FAM217A: variants seen among roughly 807,000 people sequenced by gnomAD.
The protein encoded by FAM217A is family with sequence similarity 217 member A, also known as protein FAM217A.
In FAM217A, 13 loss-of-function variants were observed where a neutral mutation model predicts 18.5. The ratio of observed to expected loss-of-function variants is 0.70; its 90% CI spans 0.46 to 1.12. FAM217A has a LOEUF of 1.12. FAM217A is among the 50% of genes most tolerant of loss of function. The pLI, the probability that FAM217A is intolerant of heterozygous loss-of-function variation, is 0.00. For missense variants in FAM217A, 560 were observed against 575.4 expected (o/e 0.97, Z 0.27); for synonymous variants, 161 against 202.8 (o/e 0.79, Z 1.75).
intron 6 of FAM217A, among the ~76,000 whole-genome samples, chr6:4,073,061 A>G (rs917209185): frequency 3.9e-5 from 6 of 152,204 alleles, no homozygotes; most frequent in Non-Finnish European, 8.8e-5. Flanking sequence ...CATTGTCAGA[A>G]CATGGTCAGC....
In FAM217A at chr6:4,068,723, C is replaced by T. The variant is rs746127562; in HGVS notation, c.1500G>A (p.Lys500=). Residue 500 remains lysine (K), a synonymous_variant, in exon 7 of 7, where the codon AAG becomes AAA. Coordinates refer to ENST00000274673, the MANE Select transcript of FAM217A (RefSeq NM_173563.3). Reference sequence around the variant, plus strand: ...ATTTTTGTTCAATGGGTGAGCAGCACTTATCCTTAGCAATAAGGGAAGGCG... The same window carrying T: ...ATTTTTGTTCAATGGGTGAGCAGCATTTATCCTTAGCAATAAGGGAAGGCG... The part of the protein sequence containing the change: ...CLSPSLIAKD[K]CCSPIEQK 6.2e-7 allele frequency: 1 copy of T among 1,609,060 alleles called. No individual in the cohort carries two copies. Among genetic ancestry groups the T allele is most frequent in the South Asian group, 1.1e-5 (1 of 90,274 alleles).
intron 6 of FAM217A, among the ~76,000 whole-genome samples, chr6:4,071,197 A>G (rs756172187): frequency 6.6e-6 from 1 of 152,172 alleles, no homozygotes; most frequent in Non-Finnish European, 1.5e-5. Flanking sequence ...AGTGAGCAAA[A>G]TGGAAATGAT....
chr6:4,075,650 T>C (rs1218225260), intron 2 of FAM217A, among the ~76,000 whole-genome samples: 2 of 152,234 alleles, frequency 1.3e-5, no homozygotes, highest in Non-Finnish European at 2.9e-5. Flanking sequence ...GATTCGTTTA[T>C]AAGAAAGTAA....
At chr6:4,078,098 G>A (rs112799838) in intron 1 of FAM217A, among the ~76,000 whole-genome samples, 3,261 of 136,342 alleles carry the variant, frequency 0.024, 134 homozygotes, top group African/African-American at 0.089. Context: ...CTGTTGCCCA[G>A]ACTGGAGTGC....
upstream of FAM217A, among the ~76,000 whole-genome samples, chr6:4,082,886 T>C (rs1198937142): frequency 1.3e-5 from 2 of 152,234 alleles, no homozygotes; most frequent in Non-Finnish European, 2.9e-5. Context: ...TTCTCCTGTC[T>C]CAGCCTCCCA....
At chr6:4,079,723 T>TTATATA (rs539730381), upstream of FAM217A, 203 of 1,109,146 alleles carry the variant, frequency 1.8e-4, 1 homozygote, top group South Asian at 2.6e-3. Flanking sequence ...TACGCATTGA[T>TTATATA]ACATGTGAAG....
At chr6:4,079,897 C>T (rs113776507), upstream of FAM217A, among the ~76,000 whole-genome samples, 519 of 151,562 alleles carry the variant, frequency 3.4e-3, 3 homozygotes, top group African/African-American at 0.012. Flanking sequence ...AATCACACAG[C>T]CCAATTTTGT....
At chr6:4,084,921 T>C (rs1289746931) in intron 1 of FAM217A, 3 of 630,870 alleles carry the variant, frequency 4.8e-6, no homozygotes, top group African/African-American at 1.8e-5. Context: ...GGATCAATTT[T>C]AGTTAATAAT....
chr6:4,069,398 T>C lies in FAM217A; in HGVS notation c.825A>G (p.Thr275=), dbSNP rs1313368849. 1 of 1,614,170 alleles carries C rather than the reference T, an allele frequency of 6.2e-7. No homozygotes were observed. The highest frequency in any genetic ancestry group is 8.5e-7 in the Non-Finnish European group (1 of 1,180,030). Residue 275 remains threonine, a synonymous_variant, in exon 7 of 7, where the codon ACA becomes ACG. Transcript: ENST00000274673. ...CAACAGAGGTTTCTGCAGGGTCCAC[T>C]GTCACTTTCCAATTGTCAGATTTGG... ...ALSKSDNWKV[T]VDPAETSVEH...
rs200457073 is a variant in FAM217A, at chr6:4,077,324, A to C, written c.60+31T>G. ...GTGTTAGCAACAGGAGCCGCTGCCC[A>C]AACACTCAAGTTCAACAGCGCCTGC... On this transcript the variant is annotated intron_variant, in intron 2 of 6. Transcript: ENST00000274673. 1.2e-5 allele frequency: 19 copies of C among 1,613,348 alleles called. No homozygotes were observed. The East Asian group carries it at 3.6e-4, about 30-fold the overall frequency.
upstream of FAM217A, chr6:4,079,490 C>T (rs1770113071): frequency 1.3e-5 from 7 of 552,706 alleles, no homozygotes; most frequent in South Asian, 1.1e-4. Flanking sequence ...CTTCTTCGGC[C>T]TTCCTGGGCC....
At position 4,074,467 on chromosome 6, in the gene FAM217A, T is replaced by G. The variant is rs1434868539; in HGVS notation, c.146-11A>C. 1.3e-6 allele frequency: 2 copies of G among 1,586,208 alleles called. No individual in the cohort carries two copies. Among genetic ancestry groups the G allele is most frequent in the East Asian group, 4.5e-5 (2 of 44,612 alleles). On this transcript the variant is annotated splice_polypyrimidine_tract_variant and intron_variant, in intron 3 of 6. Coordinates refer to ENST00000274673, the MANE Select transcript of FAM217A (RefSeq NM_173563.3). ...CCTTGTTAATTTTGCCTGAAATGTG[T>G]ATAAAAAATGACAATTAATAGTTAC...
chr6:4,080,698 T>C (rs899878096), upstream of FAM217A, among the ~76,000 whole-genome samples: 10 of 152,140 alleles, frequency 6.6e-5, no homozygotes, highest in Admixed American at 1.3e-4. Flanking sequence ...CTCATCACCT[T>C]CCCAGCGCCC....
chr6:4,074,370 T>C, intron 4 of FAM217A, 73 bp downstream of exon 4: 1 of 1,310,012 alleles, frequency 7.6e-7, no homozygotes, highest in Non-Finnish European at 1.1e-6. Context: ...AGGAAGAAAA[T>C]TTTTTTAAAG....
chr6:4,072,082 C>T (rs1769452955), intron 6 of FAM217A, among the ~76,000 whole-genome samples: 2 of 152,208 alleles, frequency 1.3e-5, no homozygotes, highest in African/African-American at 4.8e-5. Context: ...GTGGCTCACG[C>T]CCGTAATCCC....
Position 4,068,772 on chromosome 6 carries a change from G to A in FAM217A, c.1451C>T (p.Ser484Phe). The change falls in exon 7 of 7, where the codon TCT becomes TTT. Residue 484 changes from serine (S) to phenylalanine (F), a missense_variant. Physicochemically the swap from Ser to Phe is radical, Grantham distance 155. Transcript: ENST00000274673. ...CGACAAACAGTTTAGCTTCTGAATA[G>A]AGAATGGTCTATTCAACACTATATT... is the stretch of plus-strand genomic sequence containing the variant. ...RQNIVLNRPF[S>F]IQKLNCLSPS... 6.2e-7 allele frequency: 1 copy of A among 1,614,016 alleles called. No homozygotes were observed. The highest frequency in any genetic ancestry group is 2.2e-5 in the East Asian group (1 of 44,876).
At position 4,069,798 on chromosome 6, in the gene FAM217A, C is replaced by T. The variant is rs1488061376; in HGVS notation, c.425G>A (p.Gly142Glu). The T allele has an allele frequency of 1.2e-6, 2 of 1,614,146 alleles. No homozygotes were observed. The highest frequency in any genetic ancestry group is 2.2e-5 in the East Asian group (1 of 44,878). Residue 142 changes from glycine (G) to glutamate (E), a missense_variant, in exon 7 of 7, where the codon GGA becomes GAA. Coordinates refer to ENST00000274673, the MANE Select transcript of FAM217A (RefSeq NM_173563.3). ...SVDKQVGPYP[G>E]LPMPLGLCWP... Reference sequence around the variant, plus strand: ...GCAGAGACCTAATGGCATTGGCAGTCCAGGGTAAGGACCAACTTGCTTATC... The same window carrying T: ...GCAGAGACCTAATGGCATTGGCAGTTCAGGGTAAGGACCAACTTGCTTATC...
In FAM217A at chr6:4,069,437, G is replaced by A. The variant is rs768955870; in HGVS notation, c.786C>T (p.His262=). The change falls in exon 7 of 7, where the codon CAC becomes CAT. Residue 262 remains histidine, a synonymous_variant. Coordinates refer to ENST00000274673, the MANE Select transcript of FAM217A (RefSeq NM_173563.3). ...LPPPFSALDL[H]NLALSKSDNW... is the part of the protein sequence containing the mutation. ...TGTCAGATTTGGAGAGGGCTAAATT[G>A]TGCAAGTCTAGAGCACTGAAAGGAG... 1.2e-6 allele frequency: 2 copies of A among 1,614,148 alleles called. No homozygotes were observed. The highest frequency in any genetic ancestry group is 1.1e-5 in the South Asian group (1 of 91,080).
exon 2 of FAM217A, chr6:4,084,771 G>A (rs1008535024): frequency 8.5e-6 from 6 of 702,850 alleles, no homozygotes; most frequent in African/African-American, 1.7e-5. Context: ...CCACCATGGC[G>A]AGGGGGAAGA....
Sources: gnomAD v4.1 joint callset for allele counts (sites outside exome capture counted in the v4.1 genomes callset) on GRCh38, gnomAD v4.1.1 for gene constraint, MANE v1.5 for transcripts, NCBI Gene and HGNC (gene_info 2026-07-23, HGNC 2026-07-21) for gene names.